PM20D2: variants seen among roughly 807,000 people sequenced by gnomAD.
PM20D2 encodes peptidase M20 domain containing 2.
Under a neutral mutation model 42.9 loss-of-function variants are expected in PM20D2, and 33 were observed. The ratio of observed to expected loss-of-function variants is 0.77; its 90% CI spans 0.58 to 1.03. The LOEUF is 1.03. PM20D2 is among the 50% of genes least tolerant of loss of function. The pLI, the probability that PM20D2 is intolerant of heterozygous loss-of-function variation, is 0.00. For synonymous variants in PM20D2, 250 were observed against 228.2 expected, an observed-to-expected ratio of 1.10 and a Z score of -0.86; for missense variants, 548 against 557.0, an observed-to-expected ratio of 0.98 and a Z score of 0.16.
upstream of PM20D2, among the ~76,000 whole-genome samples, chr6:89,145,633 C>T (rs1003768849): frequency 3.9e-5 from 6 of 152,174 alleles, no homozygotes; most frequent in Admixed American, 1.3e-4. Context: ...CCGAAACTTA[C>T]GTACAGTACC....
At chr6:89,118,523 T>C in the PM20D2 span, among the ~76,000 whole-genome samples, 1 of 152,230 alleles carries the variant, frequency 6.6e-6, no homozygotes, top group South Asian at 2.1e-4. Context: ...TCTCGCTGTG[T>C]TGCCCAGGTG....
chr6:89,150,176 C>T (rs117062247), intron 2 of PM20D2, among the ~76,000 whole-genome samples: 93 of 152,272 alleles, frequency 6.1e-4, no homozygotes, highest in African/African-American at 9.4e-4. Context: ...AGATTGTACC[C>T]GGGTATCCCA....
chr6:89,114,659 G>A, the PM20D2 span, among the ~76,000 whole-genome samples: 1 of 151,872 alleles, frequency 6.6e-6, no homozygotes. Context: ...TCAACTATCA[G>A]TCTCAATCAC....
At position 89,158,466 on chromosome 6, in the gene PM20D2, TAA is replaced by T. The variant is rs529605247; in HGVS notation, c.1048+7_1048+8del. ...AATGTTGAATGGCCCTTCAGGTAAT[TAA>T]GTGTTTTTTTATATATTGAGCTATT... On this transcript the variant is annotated splice_region_variant and intron_variant, in intron 5 of 6. Coordinates refer to ENST00000275072, the MANE Select transcript of PM20D2 (RefSeq NM_001010853.3). 9.1e-5 allele frequency: 144 copies of T among 1,581,098 alleles called. No individual in the cohort carries two copies. The African/African-American group carries it at 2.0e-3, about 22-fold the overall frequency.
the PM20D2 span, chr6:89,105,578 T>C: frequency 1.6e-5 from 22 of 1,345,556 alleles, no homozygotes; most frequent in South Asian, 3.0e-5. Context: ...CAAGTAAACA[T>C]ATTTTAAAAG....
the PM20D2 span, among the ~76,000 whole-genome samples, chr6:89,134,236 A>T: frequency 6.6e-6 from 1 of 151,290 alleles, no homozygotes; most frequent in East Asian, 1.9e-4. Context: ...AATCCTGATC[A>T]AAGGTTAGTT....
At chr6:89,137,714 AGAAAT>A in the PM20D2 span, among the ~76,000 whole-genome samples, 1 of 152,232 alleles carries the variant, frequency 6.6e-6, no homozygotes, top group Admixed American at 6.5e-5. Context: ...TTTTAAAAAT[AGAAAT>A]ATTTAGACCA....
the PM20D2 span, among the ~76,000 whole-genome samples, chr6:89,099,462 ATG>A: frequency 8.9e-5 from 13 of 145,292 alleles, no homozygotes; most frequent in Non-Finnish European, 1.5e-4. Flanking sequence ...GTGTGTATAT[ATG>A]TGTGTGTATA....
Position 89,164,029 on chromosome 6 carries a change from TAGTG to T in PM20D2, c.*1770_*1773del. ...TACTAAATTGCTATATACCATGTAATAGTGAGTATAGCTAATATTTAGTATGCCT... is the reference window on the plus strand; with the variant it reads ...TACTAAATTGCTATATACCATGTAATAGTATAGCTAATATTTAGTATGCCT... On this transcript the variant is annotated 3_prime_UTR_variant, in exon 7 of 7. Transcript: ENST00000275072. The T allele has an allele frequency of 6.6e-6, 1 of 152,278 alleles. No individual in the cohort carries two copies. Among genetic ancestry groups the T allele is most frequent in the African/African-American group, 2.4e-5 (1 of 41,546 alleles). 9.4% of individuals were successfully genotyped at this position (152,278 alleles called of 1,614,324 possible). A position where few individuals can be genotyped will look rare whatever the true frequency, so the allele number is the denominator to read the frequency against.
the PM20D2 span, chr6:89,098,903 G>C: frequency 6.2e-7 from 1 of 1,613,870 alleles, no homozygotes; most frequent in Non-Finnish European, 8.5e-7. Context: ...TAATGATTTG[G>C]AACGAGATTT....
the PM20D2 span, among the ~76,000 whole-genome samples, chr6:89,130,817 TTC>T: frequency 1.5e-3 from 183 of 121,426 alleles, 2 homozygotes; most frequent in South Asian, 2.6e-3. Flanking sequence ...TGGCTTCTTC[TTC>T]TTTTTTTTTT....
chr6:89,113,647 C>CTATT, the PM20D2 span, among the ~76,000 whole-genome samples: 3 of 151,976 alleles, frequency 2.0e-5, no homozygotes, highest in Non-Finnish European at 2.9e-5. Context: ...ATGTTAAAGC[C>CTATT]TATTTATTTA....
Position 89,161,902 on chromosome 6 carries a change from T to C in PM20D2, c.1156+12T>C. 6.3e-7 allele frequency: 1 copy of C among 1,588,880 alleles called. No individual in the cohort carries two copies. The highest frequency in any genetic ancestry group is 8.6e-7 in the Non-Finnish European group (1 of 1,157,314). On this transcript the variant is annotated intron_variant, in intron 6 of 6. Coordinates refer to ENST00000275072, the MANE Select transcript of PM20D2 (RefSeq NM_001010853.3). ...CACTGAAGCTGCTGGTAAGTGTTGT[T>C]GGATGTGACTGTTTTGGCACACACA...
At chr6:89,162,064 C>T (rs570416916) in intron 6 of PM20D2, 45 bp from the exon 7 acceptor site, 1 of 1,584,318 alleles carries the variant, frequency 6.3e-7, no homozygotes, top group African/African-American at 1.4e-5. Flanking sequence ...AAATTAAATA[C>T]AGCTTAAATA....
At chr6:89,151,931 A>G (rs761467573) in intron 2 of PM20D2, among the ~76,000 whole-genome samples, 11 of 151,980 alleles carry the variant, frequency 7.2e-5, no homozygotes, top group Non-Finnish European at 1.3e-4. Flanking sequence ...CTACAAAAAA[A>G]AATAAAAAAT....
At chr6:89,103,091 C>T in the PM20D2 span, among the ~76,000 whole-genome samples, 1 of 152,056 alleles carries the variant, frequency 6.6e-6, no homozygotes, top group Admixed American at 6.6e-5. Context: ...ATGAGAAAAA[C>T]TGGTGTCAGG....
intron 1 of PM20D2, 100 bp downstream of exon 1, chr6:89,146,709 T>G (rs1770583661): frequency 1.0e-6 from 1 of 1,000,754 alleles, no homozygotes; most frequent in East Asian, 3.2e-5. Flanking sequence ...CTCGGTGCCC[T>G]CCCGCCCGGG....
chr6:89,130,819 CTT>C, the PM20D2 span, among the ~76,000 whole-genome samples: 284 of 23,936 alleles, frequency 0.012, 1 homozygote, highest in African/African-American at 0.038. Flanking sequence ...GCTTCTTCTT[CTT>C]TTTTTTTTTT....
chr6:89,146,549 G>A lies in PM20D2; in HGVS notation c.405G>A (p.Ala135=). 6.7e-7 allele frequency: 1 copy of A among 1,497,598 alleles called. No individual in the cohort carries two copies. The highest frequency in any genetic ancestry group is 1.3e-5 in the South Asian group (1 of 79,962). 92.8% of individuals were successfully genotyped at this position (1,497,598 alleles called of 1,614,324 possible). Reference sequence around the variant, plus strand: ...ACCTCATCGCTGAGGTCGGGGCGGCGGCCGCGCTGGGCGTGAGGGGGGCCT... The same window carrying A: ...ACCTCATCGCTGAGGTCGGGGCGGCAGCCGCGCTGGGCGTGAGGGGGGCCT... ...GHNLIAEVGA[A]AALGVRGALE... is the part of the protein sequence containing the mutation. Residue 135 remains alanine (A), a synonymous_variant, in exon 1 of 7, where the codon GCG becomes GCA. Transcript: ENST00000275072.
Sources: gnomAD v4.1 joint callset for allele counts (sites outside exome capture counted in the v4.1 genomes callset) on GRCh38, gnomAD v4.1.1 for gene constraint, MANE v1.5 for transcripts, NCBI Gene and HGNC (gene_info 2026-07-23, HGNC 2026-07-21) for gene names.